UTRN: variants seen among roughly 807,000 people sequenced by gnomAD.
The protein encoded by UTRN is dystrophin-related protein 1.
Under a neutral mutation model 463.9 loss-of-function variants are expected in UTRN, and 283 were observed. The ratio of observed to expected loss-of-function variants is 0.61; its 90% CI spans 0.55 to 0.67. The LOEUF is 0.67. Among genes scored for constraint, UTRN ranks in the 30% least tolerant of loss-of-function variants. The pLI, the probability that UTRN is intolerant of heterozygous loss-of-function variation, is 0.00. For missense variants in UTRN, 3,922 were observed against 4,084.3 expected (o/e 0.96, Z 1.08); for synonymous variants, 1,442 against 1,431.5 (o/e 1.01, Z -0.17).
intron 2 of UTRN, among the ~76,000 whole-genome samples, chr6:144,388,680 G>C (rs541776813): frequency 6.6e-6 from 1 of 152,120 alleles, no homozygotes; most frequent in South Asian, 2.1e-4. Flanking sequence ...ACCTGGCTAA[G>C]TTTTGTATCA....
intron 65 of UTRN, among the ~76,000 whole-genome samples, chr6:144,807,055 A>G (rs905801221): frequency 4.6e-5 from 7 of 152,158 alleles, no homozygotes; most frequent in Non-Finnish European, 1.0e-4. Context: ...GATAATAAGC[A>G]ACACTTGAGT....
At chr6:144,365,847 C>T (rs1236737852) in intron 2 of UTRN, among the ~76,000 whole-genome samples, 1 of 152,182 alleles carries the variant, frequency 6.6e-6, no homozygotes, top group African/African-American at 2.4e-5. Context: ...AAGTGATTCT[C>T]CTGCTTCGGC....
At chr6:144,848,581 G>A (rs1782219604) in intron 74 of UTRN, among the ~76,000 whole-genome samples, 1 of 152,178 alleles carries the variant, frequency 6.6e-6, no homozygotes, top group Non-Finnish European at 1.5e-5. Flanking sequence ...GAAGTAAGCT[G>A]TGGAGGTAGA....
chr6:144,604,490 AATT>A (rs1196098951), intron 51 of UTRN, among the ~76,000 whole-genome samples: 1 of 152,182 alleles, frequency 6.6e-6, no homozygotes, highest in African/African-American at 2.4e-5. Context: ...TGTATAAATG[AATT>A]ATTATTATTC....
intron 47 of UTRN, among the ~76,000 whole-genome samples, 153 bp downstream of exon 47, chr6:144,549,007 A>G (rs886960567): frequency 1.3e-5 from 2 of 152,216 alleles, no homozygotes; most frequent in African/African-American, 2.4e-5. Flanking sequence ...CTAACTACAA[A>G]GCATAGAGCT....
chr6:144,825,808 G>A (rs963768337), intron 66 of UTRN, among the ~76,000 whole-genome samples: 1 of 152,088 alleles, frequency 6.6e-6, no homozygotes, highest in Non-Finnish European at 1.5e-5. Context: ...GGTTAATGAA[G>A]AACAGTGACG....
intron 65 of UTRN, among the ~76,000 whole-genome samples, chr6:144,813,001 T>C (rs991799761): frequency 6.6e-6 from 1 of 152,116 alleles, no homozygotes; most frequent in Admixed American, 6.6e-5. Context: ...TAAAATGTTT[T>C]TCACAGTGAG....
chr6:144,456,380 C>T (rs567686372), intron 19 of UTRN, among the ~76,000 whole-genome samples: 8 of 152,116 alleles, frequency 5.3e-5, no homozygotes, highest in Admixed American at 2.0e-4. Context: ...TGAGGCTGGG[C>T]GCAGTGGCTC....
chr6:144,725,168 A>G (rs1038953197), intron 53 of UTRN, among the ~76,000 whole-genome samples: 1 of 152,228 alleles, frequency 6.6e-6, no homozygotes, highest in African/African-American at 2.4e-5. Flanking sequence ...GTGATAGGGA[A>G]TAAGTCTCAC....
At chr6:144,313,404 A>G (rs1280877588) in intron 2 of UTRN, among the ~76,000 whole-genome samples, 2 of 152,166 alleles carry the variant, frequency 1.3e-5, no homozygotes, top group Non-Finnish European at 2.9e-5. Flanking sequence ...ATAATAATAA[A>G]TATACATATG....
intron 45 of UTRN, among the ~76,000 whole-genome samples, chr6:144,540,667 A>C (rs1295300560): frequency 2.0e-5 from 3 of 152,186 alleles, no homozygotes; most frequent in Non-Finnish European, 2.9e-5. Context: ...TAGTCAATGG[A>C]AGTTTCATCT....
At chr6:144,776,027 A>G (rs1339352151) in intron 60 of UTRN, among the ~76,000 whole-genome samples, 1 of 152,202 alleles carries the variant, frequency 6.6e-6, no homozygotes, top group African/African-American at 2.4e-5. Flanking sequence ...TGCTTTTTTC[A>G]GAGCCAACTG....
In UTRN at chr6:144,766,370, G is replaced by C. The variant is rs184071048; in HGVS notation, c.8496-5537G>C. On this transcript the variant is annotated intron_variant, in intron 58 of 74. Coordinates refer to ENST00000367545, the MANE Select transcript of UTRN (RefSeq NM_007124.3). ...ACTTTAGGCAGTTGAATGCAAAATCGATTAGTTGGGAGCTCGTGCTTGATT... is the reference window on the plus strand; with the variant it reads ...ACTTTAGGCAGTTGAATGCAAAATCCATTAGTTGGGAGCTCGTGCTTGATT... Among the ~76,000 whole-genome samples, 97 of 152,158 alleles carry C rather than the reference G, an allele frequency of 6.4e-4. 1 individual carries two copies. Among genetic ancestry groups the C allele is most frequent in the Admixed American group, 5.2e-3 (79 of 15,260 alleles).
intron 51 of UTRN, among the ~76,000 whole-genome samples, chr6:144,601,654 A>C (rs1804264493): frequency 6.6e-6 from 1 of 152,206 alleles, no homozygotes; most frequent in Non-Finnish European, 1.5e-5. Context: ...TGGAAATGAC[A>C]ATGACAGATT....
chr6:144,572,935 A>G (rs1476878904), intron 50 of UTRN, among the ~76,000 whole-genome samples: 1 of 152,164 alleles, frequency 6.6e-6, no homozygotes, highest in Non-Finnish European at 1.5e-5. Flanking sequence ...GCTGGGTCAA[A>G]TGGTATTTCT....
chr6:144,590,643 C>T (rs1802944536), intron 51 of UTRN, among the ~76,000 whole-genome samples: 1 of 152,048 alleles, frequency 6.6e-6, no homozygotes, highest in Non-Finnish European at 1.5e-5. Flanking sequence ...TTGCATTTTC[C>T]ATGGGAAACA....
intron 9 of UTRN, among the ~76,000 whole-genome samples, chr6:144,433,325 C>A (rs953108269): frequency 4.0e-5 from 6 of 150,928 alleles, no homozygotes; most frequent in Non-Finnish European, 7.4e-5. Flanking sequence ...CTGAACCCCC[C>A]ACCTCCCTCC....
chr6:144,515,043 C>T (rs1268581910), intron 37 of UTRN, among the ~76,000 whole-genome samples: 1 of 151,984 alleles, frequency 6.6e-6, no homozygotes, highest in East Asian at 1.9e-4. Flanking sequence ...CTGGGATTTC[C>T]GGCAACTGCC....
intron 2 of UTRN, among the ~76,000 whole-genome samples, chr6:144,379,093 T>C (rs1780697070): frequency 6.6e-6 from 1 of 152,230 alleles, no homozygotes; most frequent in Non-Finnish European, 1.5e-5. Flanking sequence ...GAAATGAGTC[T>C]GTGAGCTATC....
Sources: allele counts gnomAD v4.1 joint callset (sites outside exome capture counted in the v4.1 genomes callset), GRCh38; gene constraint gnomAD v4.1.1; transcripts MANE v1.5; gene names NCBI Gene and HGNC (gene_info 2026-07-23, HGNC 2026-07-21).